ST3GAL6: variants seen among roughly 807,000 people sequenced by gnomAD.
ST3GAL6 encodes the protein ST3 beta-galactoside alpha-2,3-sialyltransferase 6.
In ST3GAL6, 31 loss-of-function variants were observed where a neutral mutation model predicts 40.5. The observed-to-expected ratio is 0.77, with a 90% CI of 0.58 to 1.03. ST3GAL6 has a LOEUF of 1.03. Ranked by LOEUF, ST3GAL6 falls within the 50% of genes least tolerant of loss-of-function variation. The probability of loss-of-function intolerance (pLI) is 0.00; values close to 1 mark genes in which losing one functional copy is unlikely to be tolerated. For missense variants in ST3GAL6, 357 were observed against 393.2 expected (o/e 0.91, Z 0.78); for synonymous variants, 129 against 136.9 (o/e 0.94, Z 0.40).
chr3:98,760,849 T>C (rs1937675150), upstream of ST3GAL6, among the ~76,000 whole-genome samples: 1 of 152,198 alleles, frequency 6.6e-6, no homozygotes, highest in Non-Finnish European at 1.5e-5. Context: ...GATAAATTAA[T>C]TGTGGTATGA....
At position 98,785,056 on chromosome 3, in the gene ST3GAL6, A is replaced by G. The variant is rs768031210; in HGVS notation, c.431+16A>G. The G allele has an allele frequency of 3.3e-6, 5 of 1,519,868 alleles. No individual in the cohort carries two copies. The highest frequency in any genetic ancestry group is 4.6e-6 in the Non-Finnish European group (5 of 1,095,474). 94.1% of individuals were successfully genotyped at this position (1,519,868 alleles called of 1,614,324 possible). On this transcript the variant is annotated intron_variant, in intron 6 of 9. Transcript: ENST00000483910. ...TAATAATAAGGTAAATATATTTTCTATTTGCTACCCTAGAATTGTTTCAAA... is the reference window on the plus strand; with the variant it reads ...TAATAATAAGGTAAATATATTTTCTGTTTGCTACCCTAGAATTGTTTCAAA...
intron 5 of ST3GAL6, among the ~76,000 whole-genome samples, chr3:98,778,790 G>T (rs1161354317): frequency 6.6e-6 from 1 of 152,226 alleles, no homozygotes; most frequent in Non-Finnish European, 1.5e-5. Flanking sequence ...TCCAACTACA[G>T]TTCCTTGTGT....
chr3:98,738,794 G>T (rs1365844427), intron 1 of ST3GAL6, among the ~76,000 whole-genome samples: 3 of 152,154 alleles, frequency 2.0e-5, no homozygotes, highest in Non-Finnish European at 1.5e-5. Context: ...GTATTAGACA[G>T]ATAATCAAGG....
chr3:98,747,504 G>T (rs556402659), intron 1 of ST3GAL6, among the ~76,000 whole-genome samples: 4 of 152,130 alleles, frequency 2.6e-5, no homozygotes, highest in Non-Finnish European at 5.9e-5. Context: ...CAATTTGTAC[G>T]ATTCACTAGC....
rs1282824613 is a variant in ST3GAL6, at chr3:98,768,422, T to A, written c.-11-8T>A. 1 of 1,610,354 alleles carries A rather than the reference T, an allele frequency of 6.2e-7. No individual in the cohort carries two copies. The highest frequency in any genetic ancestry group is 1.7e-5 in the Admixed American group (1 of 59,986). ...CCTTTGCTTTGGACTTCATTCCTTG[T>A]GTTTCAGGTGAGCCAGCCATGAGAG... On this transcript the variant is annotated splice_region_variant and splice_polypyrimidine_tract_variant and intron_variant, in intron 1 of 9. Coordinates refer to ENST00000483910, the MANE Select transcript of ST3GAL6 (RefSeq NM_001323368.2).
chr3:98,792,631 C>T (rs1226040003), intron 9 of ST3GAL6, among the ~76,000 whole-genome samples: 3 of 151,004 alleles, frequency 2.0e-5, no homozygotes, highest in African/African-American at 7.3e-5. Context: ...TTCAGTCTCC[C>T]TAGTTTCTGG....
chr3:98,785,229 T>G (rs899748812), intron 6 of ST3GAL6, among the ~76,000 whole-genome samples, 189 bp downstream of exon 6: 2 of 152,166 alleles, frequency 1.3e-5, no homozygotes, highest in African/African-American at 4.8e-5. Flanking sequence ...AGCAAGTATT[T>G]GTTAAGTCTC....
chr3:98,777,616 C>T (rs1939679240), intron 5 of ST3GAL6, among the ~76,000 whole-genome samples: 1 of 152,234 alleles, frequency 6.6e-6, no homozygotes, highest in African/African-American at 2.4e-5. Flanking sequence ...AAATAGCTGT[C>T]TTTACCAATA....
intron 3 of ST3GAL6, among the ~76,000 whole-genome samples, chr3:98,771,906 A>G: frequency 7.6e-6 from 1 of 132,040 alleles, no homozygotes; most frequent in South Asian, 2.6e-4. Flanking sequence ...TATTTATATA[A>G]TAAGAAAAAA....
intron 1 of ST3GAL6, among the ~76,000 whole-genome samples, chr3:98,748,119 C>T (rs557184043): frequency 1.1e-4 from 16 of 152,256 alleles, no homozygotes; most frequent in Non-Finnish European, 2.1e-4. Flanking sequence ...GTTAGGCACA[C>T]CTAATATTTC....
In ST3GAL6 at chr3:98,794,563, T is replaced by C. The variant is rs1941459643; in HGVS notation, c.*802T>C. On this transcript the variant is annotated 3_prime_UTR_variant, in exon 10 of 10. Coordinates refer to ENST00000483910, the MANE Select transcript of ST3GAL6 (RefSeq NM_001323368.2). ...TCCACTTGAAGTAAATTAGGAAAGG[T>C]AAAGAAGATAACAGAACAAGTAAAC... The C allele has an allele frequency of 6.6e-6, 1 of 151,926 alleles. No homozygotes were observed. The highest frequency in any genetic ancestry group is 1.5e-5 in the Non-Finnish European group (1 of 67,982). 9.4% of individuals were successfully genotyped at this position (151,926 alleles called of 1,614,324 possible). A position where few individuals can be genotyped will look rare whatever the true frequency, so the allele number is the denominator to read the frequency against.
intron 1 of ST3GAL6, 80 bp from the exon 2 acceptor site, chr3:98,768,350 T>G: frequency 2.0e-6 from 2 of 1,002,554 alleles, no homozygotes; most frequent in East Asian, 4.8e-5. Flanking sequence ...TTTCCAATAA[T>G]GCTTATATTT....
chr3:98,762,826 T>C, upstream of ST3GAL6: 1 of 985,432 alleles, frequency 1.0e-6, no homozygotes, highest in Non-Finnish European at 1.2e-6. Flanking sequence ...ATTAAACATA[T>C]CTAGCATGGG....
chr3:98,738,517 A>G (rs926957594), intron 1 of ST3GAL6, among the ~76,000 whole-genome samples: 2 of 152,172 alleles, frequency 1.3e-5, no homozygotes, highest in African/African-American at 4.8e-5. Context: ...GGCTCAAGCA[A>G]TCCTCCTGCC....
chr3:98,786,824 A>G (rs1317508128), intron 6 of ST3GAL6, among the ~76,000 whole-genome samples: 6 of 152,094 alleles, frequency 3.9e-5, no homozygotes, highest in Non-Finnish European at 5.9e-5. Flanking sequence ...TTAATGTTTC[A>G]TAATGGAAAG....
intron 4 of ST3GAL6, 51 bp from the exon 5 acceptor site, chr3:98,773,869 C>A: frequency 6.7e-7 from 1 of 1,494,690 alleles, no homozygotes; most frequent in Non-Finnish European, 9.3e-7. Context: ...TTACTAAGTA[C>A]TAAAAAGACA....
chr3:98,752,499 T>G (rs756994704), intron 1 of ST3GAL6, among the ~76,000 whole-genome samples: 7 of 151,974 alleles, frequency 4.6e-5, no homozygotes, highest in Non-Finnish European at 1.0e-4. Flanking sequence ...TGAGACGGAG[T>G]CTTGCTGTGT....
chr3:98,733,475 G>T, intron 1 of ST3GAL6: 1 of 989,202 alleles, frequency 1.0e-6, no homozygotes, highest in Non-Finnish European at 1.2e-6. Flanking sequence ...GGGTTGAGGG[G>T]TCTGGAAGGT....
In ST3GAL6 at chr3:98,775,053, G is replaced by T. The variant is rs553782752; in HGVS notation, c.335+1070G>T. On this transcript the variant is annotated intron_variant, in intron 5 of 9. Coordinates refer to ENST00000483910, the MANE Select transcript of ST3GAL6 (RefSeq NM_001323368.2). The stretch of plus-strand genomic sequence containing the variant: ...ACCTTTCACATATGTGCTTTATGTT[G>T]ATTCTCTCTAATTCTGTAAGTTTCT... 8.5e-5 allele frequency among the ~76,000 whole-genome samples: 13 copies of T among 152,208 alleles called. No individual in the cohort carries two copies. In the East Asian group the frequency reaches 2.5e-3, roughly 29 times the overall value.
Sources: allele counts gnomAD v4.1 joint callset (sites outside exome capture counted in the v4.1 genomes callset), GRCh38; gene constraint gnomAD v4.1.1; transcripts MANE v1.5; gene names NCBI Gene and HGNC (gene_info 2026-07-23, HGNC 2026-07-21).